VSTM4: variants seen among roughly 807,000 people sequenced by gnomAD.
The protein encoded by VSTM4 is V-set and transmembrane domain-containing protein 4.
Under a neutral mutation model 36.4 loss-of-function variants are expected in VSTM4, and 20 were observed. That is an observed-to-expected ratio of 0.55 (90% confidence interval 0.39 to 0.80). The LOEUF (loss-of-function observed/expected upper bound fraction) is 0.80. Among genes scored for constraint, VSTM4 ranks in the 30% least tolerant of loss-of-function variants. The pLI is 0.00. For synonymous variants in VSTM4, 182 were observed against 173.9 expected, an observed-to-expected ratio of 1.05 and a Z score of -0.37; for missense variants, 392 against 404.5, an observed-to-expected ratio of 0.97 and a Z score of 0.26.
chr10:49,109,498 A>G (rs1844854010), intron 1 of VSTM4, among the ~76,000 whole-genome samples: 2 of 152,000 alleles, frequency 1.3e-5, no homozygotes, highest in South Asian at 4.2e-4. Flanking sequence ...ATTTTTCCTT[A>G]ATTTTCTTTC....
chr10:49,063,238 G>A (rs541057658), intron 5 of VSTM4, among the ~76,000 whole-genome samples: 1 of 152,192 alleles, frequency 6.6e-6, no homozygotes, highest in East Asian at 1.9e-4. Context: ...TACTTGAGAG[G>A]CTGAGGCAGG....
chr10:49,093,637 T>C (rs1179067134), intron 2 of VSTM4, among the ~76,000 whole-genome samples: 1 of 152,114 alleles, frequency 6.6e-6, no homozygotes, highest in Non-Finnish European at 1.5e-5. Flanking sequence ...TTAAAATCCA[T>C]CACTGTGCAC....
chr10:49,034,698 T>C (rs1280838226), intron 7 of VSTM4, among the ~76,000 whole-genome samples: 1 of 152,184 alleles, frequency 6.6e-6, no homozygotes. Flanking sequence ...ATGTTGATGA[T>C]GTTTTTCTTT....
chr10:49,039,592 A>C lies in VSTM4; in HGVS notation c.837+7391T>G, dbSNP rs1248190298. Among the ~76,000 whole-genome samples, 3 of 152,056 alleles carry C rather than the reference A, an allele frequency of 2.0e-5. No homozygotes were observed. The East Asian group carries it at 5.8e-4, about 29-fold the overall frequency. Reference sequence around the variant, plus strand: ...AGAACAGGGGTGGCCTGACCCCCTCAGCTACCCTAGGGCTTCATTATGGAG... The same window carrying C: ...AGAACAGGGGTGGCCTGACCCCCTCCGCTACCCTAGGGCTTCATTATGGAG... On this transcript the variant is annotated intron_variant, in intron 7 of 7. Coordinates refer to ENST00000332853, the MANE Select transcript of VSTM4 (RefSeq NM_001031746.5).
rs1010732724 is a variant in VSTM4, at chr10:49,035,085, G to A, written c.837+11898C>T. On this transcript the variant is annotated intron_variant, in intron 7 of 7. Transcript: ENST00000332853. The stretch of plus-strand genomic sequence containing the variant: ...GGACAGCGTGCCCCAGAGTGGAGCC[G>A]CACCATGACACCTGGGACCAGGGTG... Among the ~76,000 whole-genome samples the A allele has an allele frequency of 3.9e-5, 6 of 152,226 alleles. No individual in the cohort carries two copies. The East Asian group carries it at 5.8e-4, about 15-fold the overall frequency.
At chr10:49,108,357 C>T (rs762431363) in intron 1 of VSTM4, among the ~76,000 whole-genome samples, 26 of 152,190 alleles carry the variant, frequency 1.7e-4, no homozygotes, top group Non-Finnish European at 2.9e-4. Context: ...CACATCCAAC[C>T]CCCCACCACT....
intron 2 of VSTM4, chr10:49,102,319 A>T (rs563331076): frequency 1.3e-6 from 1 of 741,804 alleles, no homozygotes; most frequent in African/African-American, 1.9e-5. Context: ...GTATTTTTGT[A>T]GAGATGGGGT....
At chr10:49,046,895 T>A in intron 7 of VSTM4, 88 bp downstream of exon 7, 1 of 1,290,510 alleles carries the variant, frequency 7.7e-7, no homozygotes, top group Non-Finnish European at 1.1e-6. Flanking sequence ...ACTTTCTGTA[T>A]GTTTTGAGTT....
In VSTM4 at chr10:49,018,898, C is replaced by A. The variant is rs980148253; in HGVS notation, c.*752G>T. On this transcript the variant is annotated 3_prime_UTR_variant, in exon 8 of 8. Transcript: ENST00000332853. ...TCTTCTGATGGCCAACACCTGTGCT[C>A]CTTTGGAAAAGGGTGAGTAAGCACT... 1 of 152,260 alleles carries A rather than the reference C, an allele frequency of 6.6e-6. No homozygotes were observed. Among genetic ancestry groups the A allele is most frequent in the Non-Finnish European group, 1.5e-5 (1 of 68,078 alleles). 9.4% of individuals were successfully genotyped at this position (152,260 alleles called of 1,614,324 possible).
At chr10:49,080,413 C>G (rs1292152996) in intron 3 of VSTM4, among the ~76,000 whole-genome samples, 1 of 152,250 alleles carries the variant, frequency 6.6e-6, no homozygotes, top group African/African-American at 2.4e-5. Context: ...GGAAGCCCAG[C>G]AGAACCTCTG....
chr10:49,031,308 T>C (rs969933764), intron 7 of VSTM4, among the ~76,000 whole-genome samples: 1 of 152,234 alleles, frequency 6.6e-6, no homozygotes, highest in African/African-American at 2.4e-5. Flanking sequence ...TATTCCTCCA[T>C]TTCCTTATCT....
chr10:49,027,529 T>C (rs1418720242), intron 7 of VSTM4, among the ~76,000 whole-genome samples: 6 of 152,314 alleles, frequency 3.9e-5, no homozygotes, highest in African/African-American at 7.2e-5. Flanking sequence ...CAGGTATAGA[T>C]GTCTGTAACC....
At chr10:49,082,040 A>C (rs1378760389) in intron 3 of VSTM4, among the ~76,000 whole-genome samples, 2 of 152,324 alleles carry the variant, frequency 1.3e-5, no homozygotes, top group East Asian at 3.9e-4. Flanking sequence ...CTCTGCAAAC[A>C]ACAGTTAAAC....
chr10:49,087,903 TTATATATGTATATATATACATATGTAA>T lies in VSTM4; in HGVS notation c.458-1907_458-1881del, dbSNP rs1564589291. On this transcript the variant is annotated intron_variant, in intron 2 of 7. Transcript: ENST00000332853. ...ATGCACATATATATAATTATATATG[TTATATATGTATATATATACATATGTAA>T]TATATATGTATATATACATATGTAA... Among the ~76,000 whole-genome samples the T allele has an allele frequency of 1.2e-4, 18 of 147,304 alleles. No homozygotes were observed. In the South Asian group the frequency reaches 2.7e-3, roughly 22 times the overall value.
In VSTM4 at chr10:49,109,810, C is replaced by T. The variant is rs140407321; in HGVS notation, c.56-1815G>A. On this transcript the variant is annotated intron_variant, in intron 1 of 7. Transcript: ENST00000332853. ...GAGGGACCCACTCTGGTAGCAATCC[C>T]GCTGTCATCAGAAGCCCCTCCTGCA... Among the ~76,000 whole-genome samples, 598 of 152,308 alleles carry T rather than the reference C, an allele frequency of 3.9e-3. 5 individuals carry two copies. The highest frequency in any genetic ancestry group is 0.014 in the African/African-American group (576 of 41,560).
At chr10:49,032,252 TGGA>T (rs1366729497) in intron 7 of VSTM4, among the ~76,000 whole-genome samples, 1 of 152,156 alleles carries the variant, frequency 6.6e-6, no homozygotes, top group Non-Finnish European at 1.5e-5. Context: ...GAGATGAAGG[TGGA>T]GAAGTGGCGA....
intron 4 of VSTM4, among the ~76,000 whole-genome samples, chr10:49,073,846 C>T (rs80218206): frequency 0.028 from 4,326 of 152,282 alleles, 145 homozygotes; most frequent in Non-Finnish European, 0.031. Flanking sequence ...TTCATGAGAG[C>T]CTGGAAGCTA....
In VSTM4 at chr10:49,107,750, G is replaced by T. The variant is rs765469907; in HGVS notation, c.301C>A (p.Leu101Met). Residue 101 changes from leucine (L) to methionine (M), a missense_variant, in exon 2 of 8, where the codon CTG becomes ATG. By Grantham distance (15) the Leu-to-Met change is conservative. Coordinates refer to ENST00000332853, the MANE Select transcript of VSTM4 (RefSeq NM_001031746.5). The part of the protein sequence containing the change: ...SRSAKRRRLR[L>M]LEEQRGALYR... ...AGCGCCCCCCGCTGCTCCTCCAGCAGGCGCAGCCTCCGCCGTTTGGCGCTG... is the reference window on the plus strand; with the variant it reads ...AGCGCCCCCCGCTGCTCCTCCAGCATGCGCAGCCTCCGCCGTTTGGCGCTG... The T allele has an allele frequency of 1.2e-6, 2 of 1,614,248 alleles. No individual in the cohort carries two copies. Among genetic ancestry groups the T allele is most frequent in the South Asian group, 2.2e-5 (2 of 91,088 alleles).
intron 2 of VSTM4, among the ~76,000 whole-genome samples, chr10:49,086,982 C>T (rs948710983): frequency 2.3e-4 from 35 of 152,320 alleles, no homozygotes; most frequent in African/African-American, 6.3e-4. Flanking sequence ...ACAAGAAATA[C>T]GGCAAAGATG....
Sources: gnomAD v4.1 joint callset for allele counts (sites outside exome capture counted in the v4.1 genomes callset) on GRCh38, gnomAD v4.1.1 for gene constraint, MANE v1.5 for transcripts, NCBI Gene and HGNC (gene_info 2026-07-23, HGNC 2026-07-21) for gene names.